Variants in NUP62CL observed in about 807,000 individuals in gnomAD.
NUP62CL encodes nucleoporin-62 C-terminal-like protein.
Under a neutral mutation model 15.3 loss-of-function variants are expected in NUP62CL, and 13 were observed. The observed-to-expected ratio is 0.85, with a 90% CI of 0.55 to 1.35. NUP62CL has a LOEUF of 1.35. Ranked by LOEUF, NUP62CL falls within the 40% of genes most tolerant of loss-of-function variation. The probability of loss-of-function intolerance (pLI) is 0.00; values close to 1 mark genes in which losing one functional copy is unlikely to be tolerated. For missense variants in NUP62CL, 123 were observed against 130.6 expected (o/e 0.94, Z 0.28); for synonymous variants, 54 against 49.2 (o/e 1.10, Z -0.41).
intron 2 of NUP62CL, among the ~76,000 whole-genome samples, chrX:107,189,877 AAAAG>A (rs55670914): frequency 0.15 from 8,684 of 56,135 alleles, 811 homozygotes; most frequent in Non-Finnish European, 0.19. Flanking sequence ...AAAAAGAAAG[AAAAG>A]AAAGAAAGAA....
chrX:107,194,515 A>G (rs751971369), intron 1 of NUP62CL, among the ~76,000 whole-genome samples: 1 of 111,828 alleles, frequency 8.9e-6, no homozygotes, highest in African/African-American at 3.2e-5. Flanking sequence ...TGAGATGACT[A>G]AAAATTAGTT....
intron 8 of NUP62CL, among the ~76,000 whole-genome samples, chrX:107,125,093 G>T (rs1925356982): frequency 9.0e-6 from 1 of 111,610 alleles, no homozygotes; most frequent in South Asian, 3.8e-4. Context: ...TGCCACACTT[G>T]AGACAAGACC....
At chrX:107,204,131 G>C (rs1927553532) in intron 1 of NUP62CL, among the ~76,000 whole-genome samples, 1 of 111,197 alleles carries the variant, frequency 9.0e-6, no homozygotes, top group Admixed American at 9.6e-5. Context: ...ACCGAACTAG[G>C]AGTCAAATTC....
intron 2 of NUP62CL, among the ~76,000 whole-genome samples, chrX:107,192,699 A>G (rs898614215): frequency 4.5e-5 from 5 of 112,067 alleles, no homozygotes; most frequent in Non-Finnish European, 9.4e-5. Flanking sequence ...TTGATTTAGA[A>G]ATAACATATC....
rs748299275 is a variant in NUP62CL, at chrX:107,181,585, C to T, written c.-47-6392G>A. The stretch of plus-strand genomic sequence containing the variant: ...AAAAATAGAGGTGGCTTGTCTCATG[C>T]ATTTATTCCCCCATATAAACTTTAA... On this transcript the variant is annotated intron_variant, in intron 2 of 8. Coordinates refer to ENST00000372466, the MANE Select transcript of NUP62CL (RefSeq NM_017681.3). 5.3e-4 allele frequency among the ~76,000 whole-genome samples: 59 copies of T among 111,116 alleles called. 1 individual carries two copies. The highest frequency in any genetic ancestry group is 3.1e-3 in the Admixed American group (32 of 10,395).
chrX:107,161,716 G>T (rs762996084), intron 4 of NUP62CL, among the ~76,000 whole-genome samples: 1 of 91,771 alleles, frequency 1.1e-5, no homozygotes, highest in Non-Finnish European at 2.1e-5. Context: ...CATGGCACAC[G>T]TATACATATG....
chrX:107,153,549 T>A, intron 5 of NUP62CL, 46 bp from the exon 6 acceptor site: 1 of 820,648 alleles, frequency 1.2e-6, no homozygotes, highest in Non-Finnish European at 1.7e-6. Flanking sequence ...TTTGAATTTA[T>A]ATAACAATTT....
At chrX:107,179,123 C>T (rs1926854292) in intron 2 of NUP62CL, among the ~76,000 whole-genome samples, 1 of 109,628 alleles carries the variant, frequency 9.1e-6, no homozygotes, top group African/African-American at 3.3e-5. Context: ...AAAGAAATAA[C>T]CAATTGTATA....
chrX:107,171,850 C>G (rs1461344176), intron 3 of NUP62CL, among the ~76,000 whole-genome samples: 1 of 92,824 alleles, frequency 1.1e-5, no homozygotes, highest in Non-Finnish European at 2.1e-5. Context: ...TTCAGTGATT[C>G]AACCCATGAC....
chrX:107,185,147 A>G (rs1283992042), intron 2 of NUP62CL, among the ~76,000 whole-genome samples: 2 of 94,628 alleles, frequency 2.1e-5, no homozygotes, highest in African/African-American at 8.0e-5. Flanking sequence ...CAGTGAGCCG[A>G]GATCGCGCCA....
At chrX:107,137,857 A>T (rs1925677386) in intron 8 of NUP62CL, among the ~76,000 whole-genome samples, 1 of 111,803 alleles carries the variant, frequency 8.9e-6, no homozygotes, top group African/African-American at 3.2e-5. Context: ...ATTTTCATGG[A>T]AACTAAAACA....
intron 8 of NUP62CL, chrX:107,132,120 G>A (rs1173589812): frequency 4.5e-5 from 53 of 1,175,250 alleles, no homozygotes; most frequent in Non-Finnish European, 2.0e-5. Context: ...CTTTGGAATT[G>A]GAAGAGGAAA....
intron 8 of NUP62CL, among the ~76,000 whole-genome samples, chrX:107,128,746 C>T (rs1925443844): frequency 9.0e-6 from 1 of 111,319 alleles, no homozygotes; most frequent in African/African-American, 3.3e-5. Flanking sequence ...AGAAACTGAA[C>T]GTCCGAAAAT....
At chrX:107,128,792 CA>C (rs1377598066) in intron 8 of NUP62CL, among the ~76,000 whole-genome samples, 1 of 111,752 alleles carries the variant, frequency 8.9e-6, no homozygotes, top group Non-Finnish European at 1.9e-5. Context: ...TTTAGAAAAC[CA>C]TAAATACTTC....
chrX:107,124,473 A>G, intron 8 of NUP62CL, 141 bp from the exon 9 acceptor site: 1 of 297,001 alleles, frequency 3.4e-6, no homozygotes, highest in Non-Finnish European at 6.3e-6. Flanking sequence ...AACACATAAG[A>G]AAAAAACACT....
At chrX:107,156,140 A>G (rs1347479809) in intron 4 of NUP62CL, among the ~76,000 whole-genome samples, 4 of 111,544 alleles carry the variant, frequency 3.6e-5, no homozygotes, top group African/African-American at 1.3e-4. Context: ...CGCCCACGGC[A>G]TCTCGCTGAT....
chrX:107,164,551 G>T (rs1418513319), intron 4 of NUP62CL, among the ~76,000 whole-genome samples: 9 of 111,557 alleles, frequency 8.1e-5, no homozygotes, highest in Non-Finnish European at 1.5e-4. Flanking sequence ...TTAAACAAAA[G>T]CTGGCTCTTT....
chrX:107,205,365 C>T (rs772299555), intron 1 of NUP62CL, among the ~76,000 whole-genome samples: 1 of 111,973 alleles, frequency 8.9e-6, no homozygotes, highest in Non-Finnish European at 1.9e-5. Context: ...CAGTAATAAG[C>T]GGAATTAAGG....
rs762028016 is a variant in NUP62CL, at chrX:107,124,216, G to A, written c.*159C>T. 2.1e-5 allele frequency: 7 copies of A among 333,172 alleles called. No individual in the cohort carries two copies. In the East Asian group the frequency reaches 5.0e-4, roughly 24 times the overall value. 27.5% of individuals were successfully genotyped at this position (333,172 alleles called of 1,213,427 possible). On this transcript the variant is annotated 3_prime_UTR_variant, in exon 9 of 9. Coordinates refer to ENST00000372466, the MANE Select transcript of NUP62CL (RefSeq NM_017681.3). ...AATTTGTAGGTAATAATCCAGAAACGACATGCTGAAGATATGGTCATTCAC... is the reference window on the plus strand; with the variant it reads ...AATTTGTAGGTAATAATCCAGAAACAACATGCTGAAGATATGGTCATTCAC...
Sources: gnomAD v4.1 joint callset for allele counts (sites outside exome capture counted in the v4.1 genomes callset) on GRCh38, gnomAD v4.1.1 for gene constraint, MANE v1.5 for transcripts, NCBI Gene and HGNC (gene_info 2026-07-23, HGNC 2026-07-21) for gene names.